CELF3: variants seen among roughly 807,000 people sequenced by gnomAD.
CELF3 encodes the protein CUGBP Elav-like family member 3.
In CELF3, 26 loss-of-function variants were observed where a neutral mutation model predicts 59.6. The ratio of observed to expected loss-of-function variants is 0.44; its 90% CI spans 0.32 to 0.61. The LOEUF (loss-of-function observed/expected upper bound fraction) is 0.61. Among genes scored for constraint, CELF3 ranks in the 20% least tolerant of loss-of-function variants. CELF3 has a pLI of 0.06. For synonymous variants in CELF3, 245 were observed against 250.7 expected (o/e 0.98, Z 0.22); for missense variants, 387 against 627.2 (o/e 0.62, Z 4.09).
Position 151,707,603 on chromosome 1 carries a change from G to C in CELF3, c.676C>G (p.Leu226Val). ...GCAGCCATGGTGGCCATGGGGCTGAGGTAGGCACTGTGAGCCGCTACCAGG... is the reference window on the plus strand; with the variant it reads ...GCAGCCATGGTGGCCATGGGGCTGACGTAGGCACTGTGAGCCGCTACCAGG... Reference protein sequence around the residue: ...AALVAAHSAYLSPMATMAAVQ... With the variant: ...AALVAAHSAYVSPMATMAAVQ... The change falls in exon 7 of 13, where the codon CTC becomes GTC. Residue 226 changes from leucine to valine, a missense_variant. Coordinates refer to ENST00000290583, the MANE Select transcript of CELF3 (RefSeq NM_007185.7). The C allele has an allele frequency of 1.2e-6, 2 of 1,608,556 alleles. No homozygotes were observed. The highest frequency in any genetic ancestry group is 1.7e-6 in the Non-Finnish European group (2 of 1,178,460).
Position 151,714,689 on chromosome 1 carries a change from A to G in CELF3, c.146-13T>C. The G allele has an allele frequency of 6.5e-7, 1 of 1,532,020 alleles. No homozygotes were observed. Among genetic ancestry groups the G allele is most frequent in the Non-Finnish European group, 8.8e-7 (1 of 1,133,644 alleles). The allele number at this position is 1,532,020 out of a possible 1,614,324, so 94.9% of individuals were successfully genotyped here. On this transcript the variant is annotated splice_polypyrimidine_tract_variant and intron_variant, in intron 1 of 12. Transcript: ENST00000290583. Reference sequence around the variant, plus strand: ...AGGAAGGCACATCCTGAGGAGGGGCAGGGGCAGAGAAACACGGCGGGGGGT... The same window carrying G: ...AGGAAGGCACATCCTGAGGAGGGGCGGGGGCAGAGAAACACGGCGGGGGGT...
At chr1:151,706,124 A>T in intron 10 of CELF3, 100 bp downstream of exon 10, 3 of 1,604,412 alleles carry the variant, frequency 1.9e-6, no homozygotes, top group Non-Finnish European at 2.5e-6. Flanking sequence ...ACTTGCTTTC[A>T]TCCTGACACG....
rs1672432015 is a variant in CELF3, at chr1:151,705,507, A to G, written c.1270+315T>C. Among the ~76,000 whole-genome samples, 1 of 152,222 alleles carries G rather than the reference A, an allele frequency of 6.6e-6. No homozygotes were observed. Among genetic ancestry groups the G allele is most frequent in the South Asian group, 2.1e-4 (1 of 4,832 alleles). On this transcript the variant is annotated intron_variant, in intron 11 of 12. Coordinates refer to ENST00000290583, the MANE Select transcript of CELF3 (RefSeq NM_007185.7). This position sits in a 1 kb window ranked among gnomAD's most constrained non-coding sequence, Gnocchi z 5.1. ...CCTTTCTCCCCTGAGGAAGACTTTC[A>G]AAGATGTGAAGGCAGCTAAAACCGA...
Position 151,705,266 on chromosome 1 carries a change from A to G in CELF3, c.1271-98T>C. The G allele has an allele frequency of 1.5e-6, 2 of 1,373,440 alleles. No homozygotes were observed. Among genetic ancestry groups the G allele is most frequent in the East Asian group, 4.8e-5 (2 of 42,022 alleles). 85.1% of individuals were successfully genotyped at this position (1,373,440 alleles called of 1,614,324 possible). A position where few individuals can be genotyped will look rare whatever the true frequency, so the allele number is the denominator to read the frequency against. Reference sequence around the variant, plus strand: ...ACCCTGTGTCTCCCAAGTGTCCCAAATGCCTAGAAAGCTGCCTGCCACATA... The same window carrying G: ...ACCCTGTGTCTCCCAAGTGTCCCAAGTGCCTAGAAAGCTGCCTGCCACATA... On this transcript the variant is annotated intron_variant, in intron 11 of 12. Transcript: ENST00000290583. The surrounding 1 kb of genome is among the most constrained non-coding windows in gnomAD (Gnocchi z 5.1).
intron 2 of CELF3, among the ~76,000 whole-genome samples, chr1:151,713,178 AC>A (rs1673171268): frequency 6.6e-6 from 1 of 152,116 alleles, no homozygotes; most frequent in Admixed American, 6.5e-5. Flanking sequence ...ATTCAGCGTC[AC>A]CTAGAAGCTC....
At position 151,701,640 on chromosome 1, in the gene CELF3, G is replaced by A. The variant is rs1446941843; in HGVS notation, c.*1819C>T. The stretch of plus-strand genomic sequence containing the variant: ...AAATTATATCCTACCTAGGCTGGGC[G>A]TGGTGGCTCATGCCTGTAATCTGAG... On this transcript the variant is annotated 3_prime_UTR_variant, in exon 13 of 13. Transcript: ENST00000290583. Among the ~76,000 whole-genome samples, 7 of 152,244 alleles carry A rather than the reference G, an allele frequency of 4.6e-5. No homozygotes were observed. In the South Asian group the frequency reaches 8.3e-4, roughly 18 times the overall value.
rs1397063232 is a variant in CELF3, at chr1:151,714,604, G to A, written c.218C>T (p.Thr73Met). ...AAGGGCAGGACTCACCCCTGGAAGC[G>A]TCTTCTGTTCGTGCAGGGCGCTCTG... ...KAQSALHEQK[T>M]LPGMNRPIQV... is the part of the protein sequence containing the mutation. The change falls in exon 2 of 13, where the codon ACG becomes ATG. Residue 73 changes from threonine (T) to methionine (M), a missense_variant. Physicochemically the swap from Thr to Met is moderately conservative, Grantham distance 81. This residue lies in a region of CELF3 where 208 missense variants were observed against 354.8 expected (regional missense o/e 0.59). Coordinates refer to ENST00000290583, the MANE Select transcript of CELF3 (RefSeq NM_007185.7). 9.0e-6 allele frequency: 14 copies of A among 1,555,954 alleles called. No homozygotes were observed. Among genetic ancestry groups the A allele is most frequent in the African/African-American group, 2.7e-5 (2 of 73,264 alleles).
At chr1:151,704,199 G>A (rs942075089) in intron 12 of CELF3, among the ~76,000 whole-genome samples, 2 of 152,104 alleles carry the variant, frequency 1.3e-5, no homozygotes, top group South Asian at 2.1e-4. Flanking sequence ...GGGCTGGGGG[G>A]GCCCCCAGGG....
intron 8 of CELF3, among the ~76,000 whole-genome samples, chr1:151,706,941 G>C (rs530838366): frequency 1.6e-4 from 25 of 152,182 alleles, no homozygotes; most frequent in African/African-American, 6.0e-4. Flanking sequence ...TGACTGTCTT[G>C]CAACCCTGGA....
chr1:151,711,117 G>A, intron 2 of CELF3: 1 of 310,842 alleles, frequency 3.2e-6, no homozygotes, highest in South Asian at 2.9e-5. Flanking sequence ...GCCCTGCCCT[G>A]CCACTTACTA....
rs1672841069 is a variant in CELF3, at chr1:151,709,509, G to C, written c.278-161C>G. ...TTGGGGAATGGGGTATAGTTGCAGA[G>C]GGTGCTCATCCCAGCTCTGAGGGAC... On this transcript the variant is annotated intron_variant, in intron 3 of 12. Transcript: ENST00000290583. This position sits in a 1 kb window ranked among gnomAD's most constrained non-coding sequence, Gnocchi z 4.9. The C allele has an allele frequency of 7.2e-6, 8 of 1,106,760 alleles. No individual in the cohort carries two copies. In the South Asian group the frequency reaches 1.1e-4, roughly 16 times the overall value. 68.6% of individuals were successfully genotyped at this position (1,106,760 alleles called of 1,614,324 possible).
At position 151,709,646 on chromosome 1, in the gene CELF3, A is replaced by T; in HGVS notation, c.277+97T>A. On this transcript the variant is annotated intron_variant, in intron 3 of 12. Transcript: ENST00000290583. This position sits in a 1 kb window ranked among gnomAD's most constrained non-coding sequence, Gnocchi z 4.9. The stretch of plus-strand genomic sequence containing the variant: ...CAGCTGGGAACTCTTCAGAATCATC[A>T]GGCTTTCTCCCTCAAGAAAGGCTAC... 8.0e-7 allele frequency: 1 copy of T among 1,255,870 alleles called. No homozygotes were observed. The highest frequency in any genetic ancestry group is 1.2e-6 in the Non-Finnish European group (1 of 854,548). The allele number at this position is 1,255,870 out of a possible 1,614,324, so 77.8% of individuals were successfully genotyped here. A position where few individuals can be genotyped will look rare whatever the true frequency, so the allele number is the denominator to read the frequency against.
intron 2 of CELF3, among the ~76,000 whole-genome samples, chr1:151,712,160 A>G (rs1033633727): frequency 1.3e-5 from 2 of 151,974 alleles, no homozygotes; most frequent in Admixed American, 1.3e-4. Context: ...TGCCCTGTTT[A>G]CCTGGCAACC....
intron 1 of CELF3, among the ~76,000 whole-genome samples, chr1:151,715,167 T>A (rs961905730): frequency 2.6e-5 from 4 of 151,902 alleles, no homozygotes; most frequent in Non-Finnish European, 5.9e-5. Context: ...TAGCCGGAAG[T>A]GCCTCTTCCC....
At chr1:151,704,110 G>T (rs1407472087) in intron 12 of CELF3, among the ~76,000 whole-genome samples, 1 of 152,042 alleles carries the variant, frequency 6.6e-6, no homozygotes, top group Non-Finnish European at 1.5e-5. Context: ...AAGACAACAC[G>T]CTCGTTCCAT....
chr1:151,708,117 G>A (rs1672728810), intron 5 of CELF3, 182 bp from the exon 6 acceptor site: 5 of 610,922 alleles, frequency 8.2e-6, no homozygotes, highest in South Asian at 5.1e-5. Context: ...ATGCTAGGAT[G>A]TGCAAGAGGC....
rs1357362896 is a variant in CELF3 at position 151,701,652 on chromosome 1, G to A, written c.*1807C>T. Among the ~76,000 whole-genome samples, 1 of 151,854 alleles carries A rather than the reference G, an allele frequency of 6.6e-6. No individual in the cohort carries two copies. ...ACCTAGGCTGGGCGTGGTGGCTCAT[G>A]CCTGTAATCTGAGCACTTCGGGAGG... On this transcript the variant is annotated 3_prime_UTR_variant, in exon 13 of 13. Coordinates refer to ENST00000290583, the MANE Select transcript of CELF3 (RefSeq NM_007185.7).
Position 151,709,542 on chromosome 1 carries a change from C to G in CELF3, c.278-194G>C, listed in dbSNP as rs1672844251. The G allele has an allele frequency of 1.1e-6, 1 of 911,944 alleles. No individual in the cohort carries two copies. The highest frequency in any genetic ancestry group is 1.6e-5 in the African/African-American group (1 of 60,810). 56.5% of individuals were successfully genotyped at this position (911,944 alleles called of 1,614,324 possible). A position where few individuals can be genotyped will look rare whatever the true frequency, so the allele number is the denominator to read the frequency against. ...ATCCCAGCTCTGAGGGACTCGCACT[C>G]CACCCTGGGCCTCAGTTTTGCCATC... On this transcript the variant is annotated intron_variant, in intron 3 of 12. Coordinates refer to ENST00000290583, the MANE Select transcript of CELF3 (RefSeq NM_007185.7). This position sits in a 1 kb window ranked among gnomAD's most constrained non-coding sequence, Gnocchi z 4.9.
rs771591135 is a variant in CELF3, at chr1:151,705,807, A to G, written c.1270+15T>C. ...TTTGGAGTATGGCAAAAAATGTGCC[A>G]TATCATATTCTTACCAAAACATTTG... On this transcript the variant is annotated intron_variant, in intron 11 of 12. Transcript: ENST00000290583. This position sits in a 1 kb window ranked among gnomAD's most constrained non-coding sequence, Gnocchi z 5.1. 3 of 1,613,388 alleles carry G rather than the reference A, an allele frequency of 1.9e-6. No individual in the cohort carries two copies. The highest frequency in any genetic ancestry group is 2.5e-6 in the Non-Finnish European group (3 of 1,179,614).
Sources: allele counts gnomAD v4.1 joint callset (sites outside exome capture counted in the v4.1 genomes callset), GRCh38; gene constraint gnomAD v4.1.1; regional missense constraint gnomAD v4.1.1; non-coding constraint Gnocchi (gnomAD v3.1); transcripts MANE v1.5; gene names NCBI Gene and HGNC (gene_info 2026-07-23, HGNC 2026-07-21).